Variants in CENPK observed in about 807,000 individuals in gnomAD.
CENPK encodes centromere protein K.
Under a neutral mutation model 40.9 loss-of-function variants are expected in CENPK, and 46 were observed. The observed-to-expected ratio is 1.13, with a 90% CI of 0.89 to 1.44. CENPK has a LOEUF of 1.44. CENPK is among the 40% of genes most tolerant of loss of function. CENPK has a pLI of 0.00. For missense variants in CENPK, 288 were observed against 303.5 expected (o/e 0.95, Z 0.38); for synonymous variants, 107 against 104.4 (o/e 1.02, Z -0.15).
chr5:65,503,439 T>C, the CENPK span, among the ~76,000 whole-genome samples: 1 of 152,064 alleles, frequency 6.6e-6, no homozygotes, highest in African/African-American at 2.4e-5. Flanking sequence ...GTCTTCTAAT[T>C]GTTGATTTTA....
intron 6 of CENPK, among the ~76,000 whole-genome samples, chr5:65,533,675 T>C (rs1366960463): frequency 6.6e-6 from 1 of 152,032 alleles, no homozygotes; most frequent in Non-Finnish European, 1.5e-5. Flanking sequence ...AGAATAAAAG[T>C]TTCTCAAGTT....
chr5:65,531,508 A>AT (rs34443663), intron 6 of CENPK, among the ~76,000 whole-genome samples: 34,311 of 142,732 alleles, frequency 0.24, 4,299 homozygotes, highest in South Asian at 0.4. Context: ...CTAAAAATCT[A>AT]TTTTTTTTTT....
At chr5:65,528,318 A>G (rs763232890) in intron 9 of CENPK, 134 bp downstream of exon 9, 2 of 707,808 alleles carry the variant, frequency 2.8e-6, no homozygotes, top group Admixed American at 4.5e-5. Flanking sequence ...TAGTCTTTCA[A>G]TAAGTATAAT....
Position 65,552,553 on chromosome 5 carries a change from G to C in CENPK, c.112-4C>G, listed in dbSNP as rs1477721351. On this transcript the variant is annotated splice_polypyrimidine_tract_variant and splice_region_variant and intron_variant, in intron 3 of 10. Transcript: ENST00000396679. ...TAAGTGATAATTTATTCTGACACTT[G>C]ATTTAAAAAGTAAAAAAAGGCAAGT... is the stretch of plus-strand genomic sequence containing the variant. 20 of 1,527,406 alleles carry C rather than the reference G, an allele frequency of 1.3e-5. No individual in the cohort carries two copies. Among genetic ancestry groups the C allele is most frequent in the Non-Finnish European group, 1.3e-5 (15 of 1,134,500 alleles). 94.6% of individuals were successfully genotyped at this position (1,527,406 alleles called of 1,614,324 possible). A position where few individuals can be genotyped will look rare whatever the true frequency, so the allele number is the denominator to read the frequency against.
At chr5:65,514,244 TTTTTTTTTTTTTTTTTTAG>T (rs772571172), downstream of CENPK, among the ~76,000 whole-genome samples, 6,775 of 24,416 alleles carry the variant, frequency 0.28, 309 homozygotes, top group Non-Finnish European at 0.35. Context: ...TTTTTTTTTT[TTTTTTTTTTTTTTTTTTAG>T]TTTTTTTTAG....
intron 9 of CENPK, among the ~76,000 whole-genome samples, 181 bp downstream of exon 9, chr5:65,528,271 T>A (rs1254191738): frequency 1.4e-5 from 2 of 138,844 alleles, no homozygotes; most frequent in African/African-American, 2.8e-5. Flanking sequence ...AATATACATA[T>A]ACTTAATCCC....
intron 5 of CENPK, among the ~76,000 whole-genome samples, chr5:65,550,262 G>C (rs1749740611): frequency 6.6e-6 from 1 of 151,810 alleles, no homozygotes; most frequent in African/African-American, 2.4e-5. Context: ...GCCTATCTTG[G>C]CTTCTGACAT....
chr5:65,499,667 A>ATTT, the CENPK span, among the ~76,000 whole-genome samples: 14 of 109,654 alleles, frequency 1.3e-4, no homozygotes, highest in East Asian at 2.7e-4. Flanking sequence ...TTTTTTTTTA[A>ATTT]TTTTTTTTTT....
At chr5:65,508,036 A>G in the CENPK span, among the ~76,000 whole-genome samples, 1 of 152,226 alleles carries the variant, frequency 6.6e-6, no homozygotes, top group Non-Finnish European at 1.5e-5. Flanking sequence ...CATCATATCA[A>G]GATATTTTGA....
intron 3 of CENPK, among the ~76,000 whole-genome samples, chr5:65,553,048 A>C (rs1043319316): frequency 1.3e-5 from 2 of 152,148 alleles, no homozygotes; most frequent in African/African-American, 4.8e-5. Flanking sequence ...TCTCTATACA[A>C]ATTTTAAGTC....
downstream of CENPK, among the ~76,000 whole-genome samples, chr5:65,515,772 G>A (rs944440466): frequency 6.6e-6 from 1 of 152,022 alleles, no homozygotes; most frequent in African/African-American, 2.4e-5. Flanking sequence ...AGTCAGCTTT[G>A]TATGAAATTA....
At chr5:65,534,193 T>C (rs1746459695) in intron 6 of CENPK, among the ~76,000 whole-genome samples, 1 of 151,658 alleles carries the variant, frequency 6.6e-6, no homozygotes, top group African/African-American at 2.4e-5. Flanking sequence ...AAAACACTGG[T>C]GAGACAAAAT....
At position 65,542,821 on chromosome 5, in the gene CENPK, A is replaced by T; in HGVS notation, c.269T>A (p.Ile90Lys). 6.2e-7 allele frequency: 1 copy of T among 1,611,118 alleles called. No homozygotes were observed. Among genetic ancestry groups the T allele is most frequent in the African/African-American group, 1.3e-5 (1 of 74,870 alleles). Residue 90 changes from isoleucine (I) to lysine (K), a missense_variant, in exon 6 of 11, where the codon ATA becomes AAA. Transcript: ENST00000396679. ...GCTTACCTCTTCTTTTCCTAATGTT[A>T]TGAGAACGTCTTCAGTCAAGGGAAT... ...ETIPLTEDVL[I>K]TLGKEEFQKL...
At chr5:65,522,048 A>T (rs182598560) in intron 9 of CENPK, among the ~76,000 whole-genome samples, 1 of 152,334 alleles carries the variant, frequency 6.6e-6, no homozygotes. Flanking sequence ...CTTCTAAGAC[A>T]GTGAAAACTC....
intron 5 of CENPK, among the ~76,000 whole-genome samples, chr5:65,547,332 G>A (rs1241943068): frequency 6.7e-6 from 1 of 149,958 alleles, no homozygotes; most frequent in Non-Finnish European, 1.5e-5. Context: ...GACAGAGCTT[G>A]CAGTGAGCCG....
intron 2 of CENPK, among the ~76,000 whole-genome samples, chr5:65,560,785 A>G (rs1751826782): frequency 6.6e-6 from 1 of 152,208 alleles, no homozygotes; most frequent in African/African-American, 2.4e-5. Context: ...ACTTTGTATG[A>G]TAATATCCAT....
the CENPK span, among the ~76,000 whole-genome samples, chr5:65,510,293 G>GA: frequency 6.6e-6 from 1 of 152,200 alleles, no homozygotes; most frequent in Non-Finnish European, 1.5e-5. Context: ...GTAAGAAAGT[G>GA]AAACAGCCTT....
chr5:65,502,838 C>T, the CENPK span, among the ~76,000 whole-genome samples: 3 of 151,928 alleles, frequency 2.0e-5, no homozygotes, highest in Admixed American at 1.3e-4. Flanking sequence ...GACAGTCTTG[C>T]TCTGTCACCC....
intron 6 of CENPK, 147 bp downstream of exon 6, chr5:65,542,655 T>C: frequency 1.8e-6 from 1 of 565,046 alleles, no homozygotes; most frequent in Non-Finnish European, 2.9e-6. Context: ...AAAAATCAAA[T>C]ATTATGTTCA....
Sources: gnomAD v4.1 joint callset for allele counts (sites outside exome capture counted in the v4.1 genomes callset) on GRCh38, gnomAD v4.1.1 for gene constraint, MANE v1.5 for transcripts, NCBI Gene and HGNC (gene_info 2026-07-23, HGNC 2026-07-21) for gene names.